Variants in NRG1 observed in about 807,000 individuals in gnomAD.
The protein encoded by NRG1 is pro-neuregulin-1, membrane-bound isoform.
In NRG1, 18 loss-of-function variants were observed where a neutral mutation model predicts 63.8. That is an observed-to-expected ratio of 0.28 (90% confidence interval 0.19 to 0.42). The LOEUF is 0.42. Ranked by LOEUF, NRG1 falls within the 10% of genes least tolerant of loss-of-function variation. NRG1 has a pLI of 1.00. For synonymous variants in NRG1, 302 were observed against 301.3 expected, an observed-to-expected ratio of 1.00 and a Z score of -0.02; for missense variants, 762 against 814.7, an observed-to-expected ratio of 0.94 and a Z score of 0.79.
chr8:32,648,036 G>A (rs766613061), intron 5 of NRG1: 1 of 1,613,940 alleles, frequency 6.2e-7, no homozygotes, highest in African/African-American at 1.3e-5. Flanking sequence ...CTTTGAATAT[G>A]ACTCTCCTAC....
intron 1 of NRG1, among the ~76,000 whole-genome samples, chr8:31,869,917 C>T (rs71523445): frequency 0.054 from 8,242 of 152,074 alleles, 282 homozygotes; most frequent in Admixed American, 0.11. Flanking sequence ...ATAGAACCTC[C>T]AAATTAAGAC....
chr8:31,819,435 C>T (rs1057465933), intron 1 of NRG1, among the ~76,000 whole-genome samples: 25 of 152,100 alleles, frequency 1.6e-4, no homozygotes, highest in African/African-American at 5.8e-4. Flanking sequence ...GTATTTTGTG[C>T]CTTTTATTTA....
chr8:31,836,820 A>G (rs1825731122), intron 1 of NRG1, among the ~76,000 whole-genome samples: 1 of 152,114 alleles, frequency 6.6e-6, no homozygotes, highest in African/African-American at 2.4e-5. Context: ...ACTAGGTCAA[A>G]TAGTATATAC....
intron 1 of NRG1, among the ~76,000 whole-genome samples, chr8:31,982,010 A>G (rs1428361890): frequency 6.6e-6 from 1 of 151,934 alleles, no homozygotes; most frequent in Non-Finnish European, 1.5e-5. Context: ...GTATAAATAT[A>G]TACCATGATG....
At chr8:32,553,698 C>T (rs16879552) in intron 1 of NRG1, among the ~76,000 whole-genome samples, 16,287 of 152,026 alleles carry the variant, frequency 0.11, 2,086 homozygotes, top group East Asian at 0.6. Flanking sequence ...TTTTGGGACT[C>T]GTATAAATTG....
chr8:32,022,880 A>G (rs1039936781), intron 1 of NRG1, among the ~76,000 whole-genome samples: 1 of 152,228 alleles, frequency 6.6e-6, no homozygotes, highest in Non-Finnish European at 1.5e-5. Flanking sequence ...TATTATCTCT[A>G]TAACTCAACA....
At chr8:32,550,644 G>A (rs1318257601) in intron 1 of NRG1, among the ~76,000 whole-genome samples, 1 of 152,156 alleles carries the variant, frequency 6.6e-6, no homozygotes, top group Non-Finnish European at 1.5e-5. Flanking sequence ...AGTGGGGGAG[G>A]GGCAGGCATT....
exon 1 of NRG1, chr8:32,548,505 G>A: frequency 8.1e-7 from 1 of 1,231,280 alleles, no homozygotes; most frequent in Non-Finnish European, 1.0e-6. Flanking sequence ...GCAGCCCCGA[G>A]AGCCAGGGCG....
chr8:32,581,911 C>A (rs1840710358), intron 1 of NRG1, among the ~76,000 whole-genome samples: 1 of 152,024 alleles, frequency 6.6e-6, no homozygotes, highest in East Asian at 1.9e-4. Flanking sequence ...CATCTTACAG[C>A]CTTTTGTGCT....
At chr8:32,211,053 T>C (rs1261236449) in intron 1 of NRG1, among the ~76,000 whole-genome samples, 1 of 152,234 alleles carries the variant, frequency 6.6e-6, no homozygotes, top group South Asian at 2.1e-4. Context: ...AAAATGAGAA[T>C]CCTAAAATGT....
chr8:31,850,183 C>T (rs189458141), intron 1 of NRG1, among the ~76,000 whole-genome samples: 97 of 152,012 alleles, frequency 6.4e-4, no homozygotes, highest in African/African-American at 2.3e-3. Flanking sequence ...TCTCTCCAAG[C>T]TGGGGGGCAG....
chr8:32,318,750 T>C lies in NRG1; in HGVS notation c.38-277078T>C, dbSNP rs796174011. Among the ~76,000 whole-genome samples the C allele has an allele frequency of 8.5e-5, 13 of 152,336 alleles. 1 individual carries two copies. Among genetic ancestry groups the C allele is most frequent in the African/African-American group, 3.1e-4 (13 of 41,578 alleles). ...TTACTCAAAGAAGACTTGCCCAGTT[T>C]TATGACAGGCTGAGAAGTTAAGTCT... On this transcript the variant is annotated intron_variant, in intron 1 of 10. Transcript: ENST00000519301.
intron 5 of NRG1, among the ~76,000 whole-genome samples, chr8:32,632,065 A>G (rs1850408880): frequency 6.6e-6 from 1 of 152,234 alleles, no homozygotes; most frequent in South Asian, 2.1e-4. Context: ...TTGACTTCAA[A>G]GTGTTTATAA....
chr8:32,022,207 T>C (rs1007469340), intron 1 of NRG1, among the ~76,000 whole-genome samples: 1 of 152,154 alleles, frequency 6.6e-6, no homozygotes, highest in Non-Finnish European at 1.5e-5. Context: ...ATTTCAGAGG[T>C]AGACATTAGG....
chr8:32,266,438 G>A (rs1342748309), intron 1 of NRG1, among the ~76,000 whole-genome samples: 2 of 152,156 alleles, frequency 1.3e-5, no homozygotes, highest in African/African-American at 4.8e-5. Context: ...AGCCCATTGT[G>A]TTGTCTCCTG....
At chr8:32,152,889 T>G (rs144493514) in intron 1 of NRG1, among the ~76,000 whole-genome samples, 1 of 152,304 alleles carries the variant, frequency 6.6e-6, no homozygotes, top group East Asian at 1.9e-4. Flanking sequence ...CATGCATTTT[T>G]AAGAGGAGTA....
chr8:31,885,345 C>T (rs1304873759), intron 1 of NRG1, among the ~76,000 whole-genome samples: 1 of 151,932 alleles, frequency 6.6e-6, no homozygotes, highest in Non-Finnish European at 1.5e-5. Context: ...TAAGGAGATA[C>T]AGTCAAGCTG....
chr8:32,320,243 C>T (rs1801226220), intron 1 of NRG1, among the ~76,000 whole-genome samples: 1 of 152,140 alleles, frequency 6.6e-6, no homozygotes, highest in African/African-American at 2.4e-5. Flanking sequence ...TCTGCCTCTT[C>T]CTTCCATGTG....
chr8:31,640,404 G>A lies in NRG1; in HGVS notation c.37+973G>A, dbSNP rs1377351170. 3 of 1,459,052 alleles carry A rather than the reference G, an allele frequency of 2.1e-6. No individual in the cohort carries two copies. Among genetic ancestry groups the A allele is most frequent in the Non-Finnish European group, 2.7e-6 (3 of 1,103,726 alleles). The allele number at this position is 1,459,052 out of a possible 1,614,324, so 90.4% of individuals were successfully genotyped here. A position where few individuals can be genotyped will look rare whatever the true frequency, so the allele number is the denominator to read the frequency against. ...CGCTGCTCGCCGCCAACGGGACCGT[G>A]CCCTCTTGGCCCACCGCCCCGGTGC... is the stretch of plus-strand genomic sequence containing the variant. On this transcript the variant is annotated intron_variant, in intron 1 of 10. Coordinates refer to the NRG1 transcript ENST00000519301. This position sits in a 1 kb window ranked among gnomAD's most constrained non-coding sequence, Gnocchi z 6.3.
Sources: gnomAD v4.1 joint callset for allele counts (sites outside exome capture counted in the v4.1 genomes callset) on GRCh38, gnomAD v4.1.1 for gene constraint, Gnocchi (gnomAD v3.1) non-coding constraint, MANE v1.5 for transcripts, NCBI Gene and HGNC (gene_info 2026-07-23, HGNC 2026-07-21) for gene names.